SVEP1: variants seen among roughly 807,000 people sequenced by gnomAD.
The protein encoded by SVEP1 is sushi, von Willebrand factor type A, EGF and pentraxin domain containing 1, also known as sushi, von Willebrand factor type A, EGF and pentraxin domain-containing protein 1.
In SVEP1, 164 loss-of-function variants were observed where a neutral mutation model predicts 367.3. The observed-to-expected ratio is 0.45, with a 90% CI of 0.39 to 0.51. The LOEUF (loss-of-function observed/expected upper bound fraction) is 0.51. Among genes scored for constraint, SVEP1 ranks in the 20% least tolerant of loss-of-function variants. The pLI is 0.00. For synonymous variants in SVEP1, 1,666 were observed against 1,611.6 expected (o/e 1.03, Z -0.81); for missense variants, 4,117 against 4,425.3 (o/e 0.93, Z 1.98).
At chr9:110,548,566 A>G (rs1830247091) in intron 2 of SVEP1, among the ~76,000 whole-genome samples, 1 of 152,206 alleles carries the variant, frequency 6.6e-6, no homozygotes, top group Non-Finnish European at 1.5e-5. Context: ...AAACAAACAA[A>G]AAAACAGAAA....
chr9:110,507,273 TTTC>T (rs1354843224), intron 5 of SVEP1, among the ~76,000 whole-genome samples: 2 of 152,218 alleles, frequency 1.3e-5, no homozygotes, highest in Non-Finnish European at 2.9e-5. Context: ...GGATATATTT[TTTC>T]TTCTTCTACT....
chr9:110,545,815 AT>A (rs1469544223), intron 3 of SVEP1, among the ~76,000 whole-genome samples: 1 of 152,168 alleles, frequency 6.6e-6, no homozygotes, highest in Non-Finnish European at 1.5e-5. Context: ...GGCTAGCCTG[AT>A]GGAGTATGAG....
chr9:110,549,639 G>GA (rs202093410), intron 2 of SVEP1, among the ~76,000 whole-genome samples: 257 of 151,584 alleles, frequency 1.7e-3, no homozygotes, highest in African/African-American at 5.5e-3. Flanking sequence ...CAGCTGCTAA[G>GA]AAAAAAAACA....
intron 3 of SVEP1, among the ~76,000 whole-genome samples, chr9:110,533,876 T>C (rs1203706112): frequency 1.3e-5 from 2 of 152,164 alleles, no homozygotes; most frequent in African/African-American, 4.8e-5. Flanking sequence ...AACTGTTTAT[T>C]GAAAATATAA....
At chr9:110,429,682 C>A (rs1394073213) in intron 34 of SVEP1, among the ~76,000 whole-genome samples, 2 of 151,976 alleles carry the variant, frequency 1.3e-5, no homozygotes, top group South Asian at 2.1e-4. Context: ...CAGGGTGCCT[C>A]AAGGGGGCAC....
Position 110,407,152 on chromosome 9 carries a change from C to T in SVEP1, c.8448G>A (p.Gln2816=), listed in dbSNP as rs781596815. ...CATCCTCATCCCAGTTTTTGTCATC[C>T]TGGCATGTTCTCCTCTCAGTGCCAT... is the stretch of plus-strand genomic sequence containing the variant. The part of the protein sequence containing the change: ...VLNGTERRTC[Q]DDKNWDEDEP... The change falls in exon 38 of 48, where the codon CAG becomes CAA. Residue 2816 remains glutamine, a synonymous_variant. Coordinates refer to ENST00000374469, the MANE Select transcript of SVEP1 (RefSeq NM_153366.4). 1 of 1,613,894 alleles carries T rather than the reference C, an allele frequency of 6.2e-7. No individual in the cohort carries two copies. The highest frequency in any genetic ancestry group is 2.2e-5 in the East Asian group (1 of 44,894).
At chr9:110,427,036 C>T (rs1024190998) in intron 36 of SVEP1, among the ~76,000 whole-genome samples, 1 of 152,038 alleles carries the variant, frequency 6.6e-6, no homozygotes, top group African/African-American at 2.4e-5. Flanking sequence ...AGGCTGGGTG[C>T]AGTGGCTCAT....
chr9:110,557,226 T>G (rs1233359215), intron 1 of SVEP1, among the ~76,000 whole-genome samples: 1 of 152,216 alleles, frequency 6.6e-6, no homozygotes, highest in Non-Finnish European at 1.5e-5. Flanking sequence ...CTTCCAAGCT[T>G]TTCTTCTACA....
intron 1 of SVEP1, among the ~76,000 whole-genome samples, chr9:110,557,188 A>G (rs1242359230): frequency 6.6e-6 from 1 of 152,188 alleles, no homozygotes; most frequent in Non-Finnish European, 1.5e-5. Flanking sequence ...CATATATTCT[A>G]GTATGTTTTC....
intron 5 of SVEP1, among the ~76,000 whole-genome samples, chr9:110,510,793 G>A (rs940240677): frequency 2.0e-5 from 3 of 152,072 alleles, no homozygotes; most frequent in African/African-American, 7.2e-5. Flanking sequence ...TGGAAGAAGG[G>A]GTAAAGATTT....
chr9:110,475,268 G>T (rs917402508), intron 14 of SVEP1, among the ~76,000 whole-genome samples: 1 of 152,094 alleles, frequency 6.6e-6, no homozygotes, highest in African/African-American at 2.4e-5. Context: ...GATGTCTGCC[G>T]TAATGCGAAT....
chr9:110,431,938 G>T lies in SVEP1; in HGVS notation c.5330C>A (p.Thr1777Lys). Reference protein sequence around the residue: ...SYICSCVPPYTGDGKNCAEPI... With the variant: ...SYICSCVPPYKGDGKNCAEPI... ...ACCTGCACAGTTTTTCCCATCTCCT[G>T]TGTACGGTGGGACACATGAACATAT... The change falls in exon 32 of 48, where the codon ACA (threonine) becomes AAA (lysine). Residue 1777 changes from threonine to lysine, a missense_variant. Physicochemically the swap from Thr to Lys is moderately conservative, Grantham distance 78. This residue lies in a region of SVEP1 where 2,174 missense variants were observed against 2,494.3 expected (regional missense o/e 0.87). Transcript: ENST00000374469. The T allele has an allele frequency of 6.2e-7, 1 of 1,613,582 alleles. No individual in the cohort carries two copies. The highest frequency in any genetic ancestry group is 2.2e-5 in the East Asian group (1 of 44,842).
intron 3 of SVEP1, among the ~76,000 whole-genome samples, chr9:110,520,406 T>A (rs527613439): frequency 6.6e-6 from 1 of 152,322 alleles, no homozygotes; most frequent in East Asian, 1.9e-4. Context: ...GTTTCCTTCC[T>A]GGAAATGTAC....
intron 22 of SVEP1, 37 bp from the exon 23 acceptor site, chr9:110,451,439 T>G: frequency 6.5e-7 from 1 of 1,545,508 alleles, no homozygotes; most frequent in African/African-American, 1.4e-5. Context: ...TGGAGAAAAC[T>G]TGACAGAACT....
intron 40 of SVEP1, among the ~76,000 whole-genome samples, chr9:110,393,109 T>A (rs1827692668): frequency 6.6e-6 from 1 of 152,254 alleles, no homozygotes; most frequent in African/African-American, 2.4e-5. Flanking sequence ...CACAAATTTT[T>A]AAATTATCTG....
At chr9:110,539,519 T>C (rs1830118352) in intron 3 of SVEP1, among the ~76,000 whole-genome samples, 1 of 151,984 alleles carries the variant, frequency 6.6e-6, no homozygotes, top group African/African-American at 2.4e-5. Context: ...TTGAACAATA[T>C]GAAGATGCTA....
Position 110,496,819 on chromosome 9 carries a change from T to C in SVEP1, c.1796A>G (p.Glu599Gly), listed in dbSNP as rs1280167610. Residue 599 changes from glutamate to glycine, a missense_variant, in exon 8 of 48, where the codon GAA (glutamate) becomes GGA (glycine). Glu to Gly is a moderately conservative substitution (Grantham distance 98, BLOSUM62 -2). Transcript: ENST00000374469. ...ACATAATTGCACAAACCTTACCTTT[T>C]CACCAGAGTTGTCTTTAGCTGTTGG... ...QIPTAKDNSG[E>G]KVSVHVHPAF... 6.4e-6 allele frequency: 10 copies of C among 1,553,016 alleles called. No homozygotes were observed. Among genetic ancestry groups the C allele is most frequent in the Non-Finnish European group, 8.7e-6 (10 of 1,146,864 alleles).
rs1045972885 is a variant in SVEP1, at chr9:110,366,617, A to G, written c.10695-57T>C. Reference sequence around the variant, plus strand: ...TTCAAAAGAAAAAATTGAACTGAAGAGCTAACATCTCTTTAGGAGTTGATG... The same window carrying G: ...TTCAAAAGAAAAAATTGAACTGAAGGGCTAACATCTCTTTAGGAGTTGATG... On this transcript the variant is annotated intron_variant, in intron 47 of 47. Transcript: ENST00000374469. 5 of 1,489,576 alleles carry G rather than the reference A, an allele frequency of 3.4e-6. No homozygotes were observed. In the African/African-American group the frequency reaches 5.7e-5, roughly 17 times the overall value. The allele number at this position is 1,489,576 out of a possible 1,614,324, so 92.3% of individuals were successfully genotyped here.
chr9:110,540,065 T>C (rs901363904), intron 3 of SVEP1, among the ~76,000 whole-genome samples: 17 of 152,088 alleles, frequency 1.1e-4, no homozygotes, highest in Non-Finnish European at 1.3e-4. Context: ...ATATAAACAA[T>C]GCTTAGAAAA....
Sources: gnomAD v4.1 joint callset for allele counts (sites outside exome capture counted in the v4.1 genomes callset) on GRCh38, gnomAD v4.1.1 for gene constraint, gnomAD v4.1.1 regional missense constraint, MANE v1.5 for transcripts, NCBI Gene and HGNC (gene_info 2026-07-23, HGNC 2026-07-21) for gene names.